XKR9: variants seen among roughly 807,000 people sequenced by gnomAD.
XKR9 encodes XK-related protein 9.
In XKR9, 32 loss-of-function variants were observed where a neutral mutation model predicts 32.0. The observed-to-expected ratio is 1.00, with a 90% CI of 0.76 to 1.34. The LOEUF (loss-of-function observed/expected upper bound fraction) is 1.34, where lower values mean the gene tolerates loss of function less well. XKR9 is among the 40% of genes most tolerant of loss of function. The probability of loss-of-function intolerance (pLI) is 0.00; values close to 1 mark genes in which losing one functional copy is unlikely to be tolerated. For synonymous variants in XKR9, 168 were observed against 143.4 expected (o/e 1.17, Z -1.22); for missense variants, 546 against 429.7 (o/e 1.27, Z -2.39).
At chr8:71,040,815 G>A in the XKR9 span, among the ~76,000 whole-genome samples, 1 of 152,066 alleles carries the variant, frequency 6.6e-6, no homozygotes, top group Non-Finnish European at 1.5e-5. Context: ...TAAATGGATA[G>A]TTTATTAGCT....
chr8:70,896,007 T>A, the XKR9 span, among the ~76,000 whole-genome samples: 20 of 151,960 alleles, frequency 1.3e-4, no homozygotes, highest in Admixed American at 9.8e-4. Flanking sequence ...GACCCTACTT[T>A]AAAAAAAGAA....
downstream of XKR9, among the ~76,000 whole-genome samples, chr8:70,739,312 T>G (rs1462991813): frequency 1.3e-4 from 20 of 152,206 alleles, no homozygotes. Flanking sequence ...TTGTTTTCCA[T>G]TTGCTTGGTA....
chr8:70,929,608 T>C, the XKR9 span, among the ~76,000 whole-genome samples: 1 of 152,168 alleles, frequency 6.6e-6, no homozygotes, highest in Non-Finnish European at 1.5e-5. Flanking sequence ...TTTCTTGTGG[T>C]TGTACGACTA....
At chr8:70,857,518 C>A in the XKR9 span, among the ~76,000 whole-genome samples, 4 of 152,172 alleles carry the variant, frequency 2.6e-5, no homozygotes, top group African/African-American at 9.7e-5. Context: ...GGATTCACAG[C>A]CGAATTCTAC....
the XKR9 span, among the ~76,000 whole-genome samples, chr8:70,994,161 C>T: frequency 6.6e-6 from 1 of 152,014 alleles, no homozygotes; most frequent in Non-Finnish European, 1.5e-5. Context: ...AGAAATGGAC[C>T]AAGTCAAAGA....
intron 1 of XKR9, among the ~76,000 whole-genome samples, chr8:70,673,404 A>G (rs1036934259): frequency 6.6e-6 from 1 of 152,238 alleles, no homozygotes; most frequent in Admixed American, 6.5e-5. Flanking sequence ...ACAAGGAGAT[A>G]CTAGAAAAAG....
At chr8:70,809,834 AG>A in the XKR9 span, among the ~76,000 whole-genome samples, 1 of 152,258 alleles carries the variant, frequency 6.6e-6, no homozygotes, top group Non-Finnish European at 1.5e-5. Flanking sequence ...TTAAAGTGAC[AG>A]GGAGAATGGA....
intron 2 of XKR9, among the ~76,000 whole-genome samples, chr8:70,782,242 T>G (rs1250462292): frequency 6.6e-6 from 1 of 152,232 alleles, no homozygotes; most frequent in Non-Finnish European, 1.5e-5. Flanking sequence ...TGCAGTATGC[T>G]TTCTGGTGTG....
At chr8:70,828,864 C>T in the XKR9 span, among the ~76,000 whole-genome samples, 1 of 152,048 alleles carries the variant, frequency 6.6e-6, no homozygotes, top group Non-Finnish European at 1.5e-5. Context: ...AGAATAAAGT[C>T]AAGTCCCATT....
the XKR9 span, among the ~76,000 whole-genome samples, chr8:70,804,567 T>C: frequency 1.3e-5 from 2 of 152,124 alleles, no homozygotes; most frequent in Admixed American, 1.3e-4. Context: ...GGGAAACAGG[T>C]TGGAAAATAG....
At chr8:70,878,783 C>T in the XKR9 span, among the ~76,000 whole-genome samples, 1 of 152,156 alleles carries the variant, frequency 6.6e-6, no homozygotes, top group East Asian at 1.9e-4. Context: ...AGGAATTGAA[C>T]TCAACTCTGC....
the XKR9 span, among the ~76,000 whole-genome samples, chr8:70,857,268 A>T: frequency 6.6e-6 from 1 of 152,150 alleles, no homozygotes; most frequent in African/African-American, 2.4e-5. Flanking sequence ...TCAAATAGAC[A>T]CAATAAAAAA....
downstream of XKR9, among the ~76,000 whole-genome samples, chr8:70,738,254 T>C (rs1403512380): frequency 1.4e-5 from 2 of 142,960 alleles, no homozygotes; most frequent in East Asian, 1.9e-4. Context: ...AGTTTATTTG[T>C]GTAGAGGTGT....
chr8:70,743,704 A>G (rs1004864828), intron 2 of XKR9, among the ~76,000 whole-genome samples: 7 of 151,972 alleles, frequency 4.6e-5, no homozygotes, highest in African/African-American at 7.3e-5. Context: ...TGTTGGTTCT[A>G]TTTTTCTCCT....
intron 2 of XKR9, among the ~76,000 whole-genome samples, chr8:70,750,455 T>A (rs532226342): frequency 2.6e-4 from 39 of 152,324 alleles, no homozygotes; most frequent in South Asian, 1.0e-3. Flanking sequence ...TAAGTCTTAA[T>A]AAATATCTGT....
At chr8:70,979,963 A>G in the XKR9 span, among the ~76,000 whole-genome samples, 1 of 152,212 alleles carries the variant, frequency 6.6e-6, no homozygotes, top group African/African-American at 2.4e-5. Context: ...AGCCTCAGCA[A>G]TGGTGGATGC....
the XKR9 span, among the ~76,000 whole-genome samples, chr8:70,818,309 C>T: frequency 6.6e-6 from 1 of 152,034 alleles, no homozygotes; most frequent in East Asian, 1.9e-4. Context: ...TGATTCACCA[C>T]CCAGGCATTC....
chr8:70,795,452 CAT>C, the XKR9 span, among the ~76,000 whole-genome samples: 94 of 152,002 alleles, frequency 6.2e-4, no homozygotes, highest in East Asian at 0.016. Flanking sequence ...CATGTCCACA[CAT>C]GTCTTTATGA....
intron 2 of XKR9, among the ~76,000 whole-genome samples, chr8:70,680,325 C>T (rs1819031000): frequency 6.6e-6 from 1 of 152,066 alleles, no homozygotes; most frequent in Admixed American, 6.6e-5. Flanking sequence ...AAAGGCTCTG[C>T]AAAGATTATC....
Sources: gnomAD v4.1 joint callset for allele counts (sites outside exome capture counted in the v4.1 genomes callset) on GRCh38, gnomAD v4.1.1 for gene constraint, MANE v1.5 for transcripts, NCBI Gene and HGNC (gene_info 2026-07-23, HGNC 2026-07-21) for gene names.